Variants in SUMF1 observed in about 807,000 individuals in gnomAD.
SUMF1 encodes formylglycine-generating enzyme.
A neutral mutation model predicts 47.6 loss-of-function variants in SUMF1; 48 were observed. The observed-to-expected ratio is 1.01, with a 90% confidence interval of 0.80 to 1.28. The LOEUF is 1.28. Among genes scored for constraint, SUMF1 ranks in the 50% most tolerant of loss-of-function variants. The probability of loss-of-function intolerance (pLI) is 0.00; values close to 1 mark genes in which losing one functional copy is unlikely to be tolerated. For missense variants in SUMF1, 571 were observed against 485.4 expected (o/e 1.18, Z -1.66); for synonymous variants, 230 against 192.1 (o/e 1.20, Z -1.63).
At chr3:4,308,122 A>G (rs1419426480) in intron 8 of SUMF1, among the ~76,000 whole-genome samples, 10 of 152,312 alleles carry the variant, frequency 6.6e-5, no homozygotes, top group African/African-American at 1.9e-4. Flanking sequence ...GTAATACTTG[A>G]TAACTGAAAG....
chr3:4,165,681 C>G (rs1225999719), intron 8 of SUMF1, among the ~76,000 whole-genome samples: 1 of 151,980 alleles, frequency 6.6e-6, no homozygotes, highest in Non-Finnish European at 1.5e-5. Flanking sequence ...CCATTTTTCC[C>G]CATCAGAGAG....
chr3:4,465,873 AGAG>A (rs375142687), intron 1 of SUMF1, among the ~76,000 whole-genome samples: 38 of 152,360 alleles, frequency 2.5e-4, no homozygotes, highest in Middle Eastern at 3.4e-3. Flanking sequence ...GGGGAGAGAA[AGAG>A]GAGATCAGGT....
chr3:4,243,558 G>A (rs1217380424), intron 8 of SUMF1, among the ~76,000 whole-genome samples: 1 of 152,136 alleles, frequency 6.6e-6, no homozygotes, highest in Non-Finnish European at 1.5e-5. Flanking sequence ...CAGTTTCCAT[G>A]TAGTTGCATG....
intron 7 of SUMF1, among the ~76,000 whole-genome samples, chr3:4,385,937 T>G (rs1559263975): frequency 6.6e-6 from 1 of 152,218 alleles, no homozygotes. Context: ...CAGTTGGGCA[T>G]CATATATGTG....
intron 8 of SUMF1, among the ~76,000 whole-genome samples, chr3:4,178,332 G>C (rs1695014908): frequency 6.6e-6 from 1 of 152,120 alleles, no homozygotes; most frequent in East Asian, 1.9e-4. Context: ...ATATCAAAAA[G>C]CTTATCCACC....
intron 3 of SUMF1, among the ~76,000 whole-genome samples, chr3:4,437,475 T>G (rs1575220813): frequency 6.6e-6 from 1 of 151,874 alleles, no homozygotes; most frequent in African/African-American, 2.4e-5. Flanking sequence ...AAAAACAGAA[T>G]AAGCAGAAGG....
chr3:4,134,477 A>T (rs1693872019), intron 8 of SUMF1, among the ~76,000 whole-genome samples: 1 of 152,164 alleles, frequency 6.6e-6, no homozygotes, highest in Non-Finnish European at 1.5e-5. Context: ...CAGTGTGTAG[A>T]GGGAAATTTA....
intron 8 of SUMF1, among the ~76,000 whole-genome samples, chr3:4,197,707 C>T (rs952200160): frequency 9.2e-5 from 14 of 151,846 alleles, no homozygotes; most frequent in African/African-American, 3.4e-4. Context: ...AAAAGATACT[C>T]TATTGTCTAT....
chr3:4,438,204 A>G (rs780699494), intron 3 of SUMF1, among the ~76,000 whole-genome samples: 6 of 142,708 alleles, frequency 4.2e-5, no homozygotes, highest in Non-Finnish European at 9.1e-5. Context: ...AAATATTTCA[A>G]TATTAATTTC....
chr3:4,328,504 C>G (rs149810112), intron 8 of SUMF1, among the ~76,000 whole-genome samples: 160 of 152,226 alleles, frequency 1.1e-3, no homozygotes, highest in African/African-American at 3.7e-3. Flanking sequence ...TACATGGTGG[C>G]AGGCAAGAGA....
At chr3:4,226,225 G>C (rs1696168610) in intron 8 of SUMF1, among the ~76,000 whole-genome samples, 1 of 149,140 alleles carries the variant, frequency 6.7e-6, no homozygotes, top group African/African-American at 2.5e-5. Flanking sequence ...ATAACTGTTA[G>C]CTATTACCAC....
intron 8 of SUMF1, among the ~76,000 whole-genome samples, chr3:4,354,648 T>A (rs1301541459): frequency 6.6e-6 from 1 of 152,138 alleles, no homozygotes; most frequent in Non-Finnish European, 1.5e-5. Context: ...ATGTTTGATA[T>A]GGGGGTCAAG....
chr3:4,163,384 G>GGAAGA (rs1694625615), intron 8 of SUMF1, among the ~76,000 whole-genome samples: 1 of 29,974 alleles, frequency 3.3e-5, no homozygotes, highest in African/African-American at 1.7e-4. Context: ...GGAAGGAAGG[G>GGAAGA]AGGGAGGGAG....
intron 8 of SUMF1, chr3:4,316,349 G>GCA: frequency 1.4e-6 from 2 of 1,475,146 alleles, no homozygotes; most frequent in Non-Finnish European, 1.8e-6. Flanking sequence ...AACGTACAGT[G>GCA]CAGTGGTGGT....
chr3:4,133,509 A>C (rs1220401732), intron 8 of SUMF1, among the ~76,000 whole-genome samples: 2 of 152,096 alleles, frequency 1.3e-5, no homozygotes, highest in African/African-American at 4.8e-5. Flanking sequence ...GAAGGAGATT[A>C]ACATTTGAGT....
At chr3:4,283,130 G>A (rs987771975) in intron 8 of SUMF1, among the ~76,000 whole-genome samples, 8 of 152,178 alleles carry the variant, frequency 5.3e-5, no homozygotes, top group Admixed American at 3.3e-4. Context: ...TAGAGAAATA[G>A]CTAAGGAGAG....
intron 8 of SUMF1, among the ~76,000 whole-genome samples, chr3:4,131,612 T>C (rs940106216): frequency 1.3e-5 from 2 of 152,148 alleles, no homozygotes; most frequent in African/African-American, 2.4e-5. Flanking sequence ...TACTGATTCA[T>C]GGGCTGTAGC....
At chr3:4,248,091 T>A (rs972224602) in intron 8 of SUMF1, among the ~76,000 whole-genome samples, 1 of 152,230 alleles carries the variant, frequency 6.6e-6, no homozygotes, top group African/African-American at 2.4e-5. Context: ...TAGTATTAAT[T>A]TAATGGGATA....
chr3:4,456,509 T>C (rs1195850810), intron 1 of SUMF1, among the ~76,000 whole-genome samples: 2 of 147,006 alleles, frequency 1.4e-5, no homozygotes, highest in Non-Finnish European at 1.5e-5. Flanking sequence ...TGGAGTGCAG[T>C]AGCACGATCT....
Sources: gnomAD v4.1 joint callset for allele counts (sites outside exome capture counted in the v4.1 genomes callset) on GRCh38, gnomAD v4.1.1 for gene constraint, MANE v1.5 for transcripts, NCBI Gene and HGNC (gene_info 2026-07-23, HGNC 2026-07-21) for gene names.